The following FHIT variants were observed in gnomAD, a reference collection of about 807,000 sequenced individuals.
FHIT encodes the protein fragile histidine triad diadenosine triphosphatase, also known as bis(5'-adenosyl)-triphosphatase.
In FHIT, 19 loss-of-function variants were observed where a neutral mutation model predicts 17.9. That is an observed-to-expected ratio of 1.06 (90% CI 0.74 to 1.56). The LOEUF is 1.56. Ranked by LOEUF, FHIT falls within the 40% of genes most tolerant of loss-of-function variation. The probability of loss-of-function intolerance (pLI) is 0.00; values close to 1 mark genes in which losing one functional copy is unlikely to be tolerated. For synonymous variants in FHIT, 81 were observed against 69.7 expected (o/e 1.16, Z -0.81); for missense variants, 248 against 189.2 (o/e 1.31, Z -1.82).
At chr3:60,103,028 T>C (rs1007760441) in intron 5 of FHIT, among the ~76,000 whole-genome samples, 16 of 152,184 alleles carry the variant, frequency 1.1e-4, no homozygotes, top group African/African-American at 2.7e-4. Flanking sequence ...CCCTGTAGTA[T>C]AGAAATTATG....
intron 5 of FHIT, among the ~76,000 whole-genome samples, chr3:60,115,384 T>C (rs958687363): frequency 6.6e-6 from 1 of 152,180 alleles, no homozygotes; most frequent in Non-Finnish European, 1.5e-5. Flanking sequence ...GAAATATATG[T>C]GGTTAACTAC....
intron 5 of FHIT, among the ~76,000 whole-genome samples, chr3:60,233,378 C>A (rs575933451): frequency 1.3e-5 from 2 of 152,092 alleles, no homozygotes; most frequent in Non-Finnish European, 2.9e-5. Flanking sequence ...GACCTTCAGA[C>A]AGGCTCTTTT....
chr3:60,441,316 T>C (rs2107329151), intron 5 of FHIT, among the ~76,000 whole-genome samples: 1 of 152,194 alleles, frequency 6.6e-6, no homozygotes, highest in South Asian at 2.1e-4. Flanking sequence ...CACATAACTG[T>C]ACAAGTTTCT....
chr3:60,276,099 T>C (rs947356689), intron 5 of FHIT, among the ~76,000 whole-genome samples: 12 of 151,936 alleles, frequency 7.9e-5, no homozygotes, highest in African/African-American at 2.9e-4. Flanking sequence ...GCCATTCTCC[T>C]GCCTCAGCCT....
At chr3:60,622,756 C>T (rs766883396) in intron 4 of FHIT, among the ~76,000 whole-genome samples, 10 of 152,182 alleles carry the variant, frequency 6.6e-5, no homozygotes, top group African/African-American at 9.6e-5. Context: ...GCCTGCTTTA[C>T]GCTAGAATCG....
At chr3:60,030,687 C>G (rs949145827) in intron 5 of FHIT, among the ~76,000 whole-genome samples, 1 of 152,122 alleles carries the variant, frequency 6.6e-6, no homozygotes, top group Non-Finnish European at 1.5e-5. Flanking sequence ...GCCCATAGAG[C>G]ACTTGCTAAA....
At chr3:61,064,604 G>T (rs2034538171) in intron 2 of FHIT, among the ~76,000 whole-genome samples, 1 of 152,066 alleles carries the variant, frequency 6.6e-6, no homozygotes, top group Non-Finnish European at 1.5e-5. Context: ...TTTGTTTACA[G>T]CATCCTTCAT....
At chr3:60,534,215 C>T (rs1267712228) in intron 5 of FHIT, among the ~76,000 whole-genome samples, 1 of 149,942 alleles carries the variant, frequency 6.7e-6, no homozygotes, top group African/African-American at 2.5e-5. Context: ...ATCATGAGGT[C>T]AGGAGATCGA....
intron 5 of FHIT, among the ~76,000 whole-genome samples, chr3:60,353,989 A>G (rs906094688): frequency 2.0e-5 from 3 of 152,232 alleles, no homozygotes; most frequent in African/African-American, 7.2e-5. Flanking sequence ...TAAGGAAACA[A>G]GAAGAGATGG....
intron 4 of FHIT, among the ~76,000 whole-genome samples, chr3:60,706,279 C>T (rs906108991): frequency 4.6e-5 from 7 of 151,942 alleles, no homozygotes; most frequent in African/African-American, 1.7e-4. Context: ...AGCATTAGGA[C>T]TAATGCATGC....
At chr3:61,183,965 G>A (rs751373898) in intron 2 of FHIT, among the ~76,000 whole-genome samples, 11 of 151,844 alleles carry the variant, frequency 7.2e-5, no homozygotes, top group African/African-American at 1.7e-4. Flanking sequence ...ATTTTGAAGC[G>A]CCCTCCATTT....
intron 5 of FHIT, among the ~76,000 whole-genome samples, chr3:60,103,554 T>G (rs1339606462): frequency 6.6e-6 from 1 of 152,130 alleles, no homozygotes; most frequent in African/African-American, 2.4e-5. Flanking sequence ...GTAAAACAAG[T>G]AGAAGGTAAG....
At chr3:61,218,676 G>C (rs1174073629) in intron 1 of FHIT, among the ~76,000 whole-genome samples, 2 of 152,178 alleles carry the variant, frequency 1.3e-5, no homozygotes, top group Non-Finnish European at 2.9e-5. Context: ...GAAAGGGACA[G>C]GTGGTAGGAC....
At chr3:60,039,357 A>T (rs1701346181) in intron 5 of FHIT, among the ~76,000 whole-genome samples, 1 of 152,198 alleles carries the variant, frequency 6.6e-6, no homozygotes, top group South Asian at 2.1e-4. Context: ...GCATAAGAGC[A>T]TGTTGACCAA....
At chr3:60,338,667 A>T (rs756381658) in intron 5 of FHIT, among the ~76,000 whole-genome samples, 1 of 152,238 alleles carries the variant, frequency 6.6e-6, no homozygotes, top group Non-Finnish European at 1.5e-5. Context: ...TGAGAAAGAT[A>T]GAGCACATGT....
At chr3:60,300,371 TTTAC>T (rs1229071944) in intron 5 of FHIT, among the ~76,000 whole-genome samples, 2 of 152,076 alleles carry the variant, frequency 1.3e-5, no homozygotes, top group African/African-American at 2.4e-5. Context: ...TATTCACAGC[TTTAC>T]TTGAGAAGAA....
intron 4 of FHIT, among the ~76,000 whole-genome samples, chr3:60,733,375 A>C (rs1031369818): frequency 6.6e-6 from 1 of 152,122 alleles, no homozygotes; most frequent in African/African-American, 2.4e-5. Context: ...TTATTGTTCC[A>C]ATATATTTTA....
At chr3:60,499,474 C>G (rs975475348) in intron 5 of FHIT, among the ~76,000 whole-genome samples, 1 of 152,020 alleles carries the variant, frequency 6.6e-6, no homozygotes, top group Non-Finnish European at 1.5e-5. Context: ...TCACTTTAAG[C>G]TCCTCCTCCC....
At chr3:60,256,165 C>A (rs992734264) in intron 5 of FHIT, among the ~76,000 whole-genome samples, 4 of 152,098 alleles carry the variant, frequency 2.6e-5, no homozygotes, top group African/African-American at 9.7e-5. Flanking sequence ...CCTTAAATTC[C>A]CCATCGTGCC....
Sources: gnomAD v4.1 joint callset for allele counts (sites outside exome capture counted in the v4.1 genomes callset) on GRCh38, gnomAD v4.1.1 for gene constraint, MANE v1.5 for transcripts, NCBI Gene and HGNC (gene_info 2026-07-23, HGNC 2026-07-21) for gene names.